ST7: variants seen among roughly 807,000 people sequenced by gnomAD.
The protein encoded by ST7 is suppressor of tumorigenicity 7 protein.
ST7 carries 28 observed loss-of-function variants against 78.7 expected under a neutral mutation model. That is an observed-to-expected ratio of 0.36 (90% confidence interval 0.26 to 0.49). The LOEUF (loss-of-function observed/expected upper bound fraction) is 0.49, where lower values mean the gene tolerates loss of function less well. Among genes scored for constraint, ST7 ranks in the 20% least tolerant of loss-of-function variants. ST7 has a pLI of 0.99. For synonymous variants in ST7, 247 were observed against 249.6 expected (o/e 0.99, Z 0.10); for missense variants, 418 against 696.0 (o/e 0.60, Z 4.49).
chr7:117,159,144 A>G (rs1467851214), intron 9 of ST7, among the ~76,000 whole-genome samples: 1 of 152,228 alleles, frequency 6.6e-6, no homozygotes, highest in Non-Finnish European at 1.5e-5. Flanking sequence ...TCATCCTGTA[A>G]GTCAGCTGAG....
chr7:117,208,797 C>T (rs949621049), intron 12 of ST7, among the ~76,000 whole-genome samples: 1 of 152,022 alleles, frequency 6.6e-6, no homozygotes, highest in African/African-American at 2.4e-5. Flanking sequence ...CTTGATCTTG[C>T]TGTCCATATC....
chr7:117,194,266 C>G (rs1446356113), intron 12 of ST7, among the ~76,000 whole-genome samples: 4 of 152,346 alleles, frequency 2.6e-5, no homozygotes, highest in Non-Finnish European at 5.9e-5. Context: ...GGCATAAACT[C>G]CTTGTGAGAT....
At chr7:117,161,477 A>T (rs1225027668) in intron 9 of ST7, among the ~76,000 whole-genome samples, 1 of 151,104 alleles carries the variant, frequency 6.6e-6, no homozygotes, top group African/African-American at 2.4e-5. Context: ...TTCTTTTCTT[A>T]CAAGAAATAA....
chr7:117,216,268 C>G (rs1298682547), intron 13 of ST7, among the ~76,000 whole-genome samples: 1 of 152,126 alleles, frequency 6.6e-6, no homozygotes, highest in African/African-American at 2.4e-5. Flanking sequence ...CAACCAAAAT[C>G]AAGGTAGGGG....
chr7:117,051,770 G>A (rs1797802121), intron 1 of ST7, among the ~76,000 whole-genome samples: 1 of 152,162 alleles, frequency 6.6e-6, no homozygotes, highest in Non-Finnish European at 1.5e-5. Context: ...GGAGCTTGTT[G>A]GATTGGGTGT....
chr7:117,152,112 C>T (rs1184650557), intron 9 of ST7, among the ~76,000 whole-genome samples: 1 of 130,552 alleles, frequency 7.7e-6, no homozygotes, highest in African/African-American at 3.2e-5. Flanking sequence ...GAGTGAGACA[C>T]CATCTCAAAA....
At chr7:117,228,065 T>C (rs901712361) in intron 15 of ST7, among the ~76,000 whole-genome samples, 2 of 152,220 alleles carry the variant, frequency 1.3e-5, no homozygotes, top group Non-Finnish European at 2.9e-5. Context: ...TGCTTTTCCA[T>C]TTCTCTTTGA....
Position 116,970,571 on chromosome 7 carries a change from C to T in ST7, c.151+16880C>T, listed in dbSNP as rs568856827. 7.9e-5 allele frequency among the ~76,000 whole-genome samples: 12 copies of T among 152,228 alleles called. No individual in the cohort carries two copies. The South Asian group carries it at 1.7e-3, about 21-fold the overall frequency. ...TCTCGTGTCTCTTCTTATAAGGGAA[C>T]TAATCTCATTTACAGAGCACTCCAT... On this transcript the variant is annotated intron_variant, in intron 1 of 15. Coordinates refer to ENST00000323984, the MANE Select transcript of ST7 (RefSeq NM_001369598.1).
At chr7:117,072,326 T>C (rs550630284) in intron 1 of ST7, 1 of 152,318 alleles carries the variant, frequency 6.6e-6, no homozygotes, top group Admixed American at 6.5e-5. Flanking sequence ...TTCTATAGTA[T>C]CACATCTTCT....
At chr7:116,964,902 T>C (rs1364791205) in intron 1 of ST7, among the ~76,000 whole-genome samples, 1 of 152,224 alleles carries the variant, frequency 6.6e-6, no homozygotes, top group Non-Finnish European at 1.5e-5. Context: ...ATTAAAGTTA[T>C]TATCCTAAGA....
chr7:116,997,656 G>C (rs1794728525), intron 1 of ST7, among the ~76,000 whole-genome samples: 2 of 152,022 alleles, frequency 1.3e-5, no homozygotes, highest in African/African-American at 4.8e-5. Context: ...AGCACTGATT[G>C]GTGCATTTAC....
At chr7:117,144,799 T>A (rs1233148253) in intron 9 of ST7, among the ~76,000 whole-genome samples, 3 of 152,162 alleles carry the variant, frequency 2.0e-5, no homozygotes, top group Non-Finnish European at 4.4e-5. Context: ...ATTTAGGTAA[T>A]GTTGAGTATT....
intron 1 of ST7, among the ~76,000 whole-genome samples, chr7:117,092,323 CAAAA>C (rs544352014): frequency 9.9e-6 from 1 of 100,668 alleles, no homozygotes. Flanking sequence ...GAATACCAGC[CAAAA>C]AAAAAAAAAA....
chr7:117,156,629 C>T (rs1806712863), intron 9 of ST7, among the ~76,000 whole-genome samples: 1 of 151,952 alleles, frequency 6.6e-6, no homozygotes, highest in African/African-American at 2.4e-5. Context: ...GAAGTGAGTC[C>T]CAGTGGTCTC....
intron 1 of ST7, among the ~76,000 whole-genome samples, chr7:117,054,096 C>T (rs1797937064): frequency 6.6e-6 from 1 of 152,106 alleles, no homozygotes; most frequent in South Asian, 2.1e-4. Flanking sequence ...CCTCAGCCTC[C>T]CAAAGTGCTG....
intron 10 of ST7, among the ~76,000 whole-genome samples, chr7:117,180,908 T>C (rs1362733176): frequency 2.0e-5 from 3 of 152,198 alleles, no homozygotes; most frequent in African/African-American, 7.2e-5. Flanking sequence ...TGCCTTGGCC[T>C]CCCAAAGTGC....
intron 1 of ST7, among the ~76,000 whole-genome samples, chr7:117,046,165 T>G (rs1797482601): frequency 6.6e-6 from 1 of 152,018 alleles, no homozygotes; most frequent in Admixed American, 6.6e-5. Flanking sequence ...TTGGTGGTGT[T>G]TTTTTTTGAC....
intron 9 of ST7, among the ~76,000 whole-genome samples, chr7:117,158,144 T>C (rs943733607): frequency 6.6e-6 from 1 of 152,190 alleles, no homozygotes; most frequent in Non-Finnish European, 1.5e-5. Context: ...AGTTCTTAGA[T>C]GTCTTAAAGT....
chr7:117,184,986 G>C (rs577720116), intron 10 of ST7, among the ~76,000 whole-genome samples: 3 of 152,154 alleles, frequency 2.0e-5, no homozygotes, highest in Middle Eastern at 3.2e-3. Context: ...AAATAACCAA[G>C]CCTCACCCTT....
Sources: allele counts gnomAD v4.1 joint callset (sites outside exome capture counted in the v4.1 genomes callset), GRCh38; gene constraint gnomAD v4.1.1; transcripts MANE v1.5; gene names NCBI Gene and HGNC (gene_info 2026-07-23, HGNC 2026-07-21).